Variants in USP14 observed in about 807,000 individuals in gnomAD.
The protein encoded by USP14 is ubiquitin specific peptidase 14.
USP14 carries 38 observed loss-of-function variants against 76.5 expected under a neutral mutation model. The observed-to-expected ratio is 0.50, with a 90% CI of 0.38 to 0.65. USP14 has a LOEUF of 0.65. USP14 is among the 30% of genes least tolerant of loss of function. The pLI, the probability that USP14 is intolerant of heterozygous loss-of-function variation, is 0.00. For synonymous variants in USP14, 192 were observed against 191.7 expected (o/e 1.00, Z -0.01); for missense variants, 467 against 586.5 (o/e 0.80, Z 2.10).
chr18:211,173 A>T lies in USP14; in HGVS notation c.1374A>T (p.Val458=). The T allele has an allele frequency of 6.2e-7, 1 of 1,614,032 alleles. No individual in the cohort carries two copies. The highest frequency in any genetic ancestry group is 8.5e-7 in the Non-Finnish European group (1 of 1,179,920). Residue 458 remains valine (V), a synonymous_variant, in exon 16 of 16, where the codon GTA becomes GTT. Coordinates refer to ENST00000261601, the MANE Select transcript of USP14 (RefSeq NM_005151.4). ...IKFDDDKVSI[V]TPEDILRLSG... is the part of the protein sequence containing the mutation. ...TTGATGATGACAAAGTCAGCATCGT[A>T]ACACCAGAAGATATCTTACGGCTTT... is the stretch of plus-strand genomic sequence containing the variant.
chr18:191,551 T>G (rs1910088133), intron 5 of USP14, among the ~76,000 whole-genome samples: 1 of 152,148 alleles, frequency 6.6e-6, no homozygotes, highest in African/African-American at 2.4e-5. Flanking sequence ...CTCAGAAAAT[T>G]TCTTGGGCAT....
At chr18:184,500 TC>T (rs2143027446) in intron 5 of USP14, among the ~76,000 whole-genome samples, 1 of 152,306 alleles carries the variant, frequency 6.6e-6, no homozygotes, top group Non-Finnish European at 1.5e-5. Flanking sequence ...ACGCCTGTAA[TC>T]CCAGTACTTT....
chr18:189,254 T>G (rs899304870), intron 5 of USP14, among the ~76,000 whole-genome samples: 1 of 152,178 alleles, frequency 6.6e-6, no homozygotes, highest in Admixed American at 6.5e-5. Flanking sequence ...ATCCTACTTT[T>G]GTTTGTATTA....
intron 4 of USP14, 86 bp from the exon 5 acceptor site, chr18:180,150 G>T (rs1440195755): frequency 3.1e-6 from 2 of 635,758 alleles, no homozygotes; most frequent in African/African-American, 1.9e-5. Context: ...GATTCAAAAT[G>T]AGAATTTTAG....
At position 197,608 on chromosome 18, in the gene USP14, C is replaced by T. The variant is rs561315326; in HGVS notation, c.595-8C>T. On this transcript the variant is annotated splice_region_variant and splice_polypyrimidine_tract_variant and intron_variant, in intron 7 of 15. Transcript: ENST00000261601. ...GGATTACTTACTTTGTCTTTTTTTA[C>T]ATTACAGGATGCTAATGAATGTTGG... The T allele has an allele frequency of 7.4e-5, 119 of 1,604,258 alleles. 2 individuals are homozygous for T. In the South Asian group the frequency reaches 1.2e-3, roughly 16 times the overall value.
chr18:174,268 CTT>C (rs34265974), intron 3 of USP14, among the ~76,000 whole-genome samples: 2,113 of 130,514 alleles, frequency 0.016, 35 homozygotes, highest in African/African-American at 0.054. Context: ...GTTTTTCTTT[CTT>C]TTTTTTTTTT....
intron 3 of USP14, among the ~76,000 whole-genome samples, chr18:171,946 T>C (rs1182280336): frequency 6.6e-6 from 1 of 152,178 alleles, no homozygotes; most frequent in Admixed American, 6.5e-5. Context: ...AGGAAGAAAC[T>C]AGAATTAGAA....
At chr18:201,682 GT>G (rs1910388672) in intron 10 of USP14, among the ~76,000 whole-genome samples, 1 of 152,206 alleles carries the variant, frequency 6.6e-6, no homozygotes, top group Non-Finnish European at 1.5e-5. Flanking sequence ...AAGTCTCAGT[GT>G]TAACTGGAGA....
intron 14 of USP14, 44 bp downstream of exon 14, chr18:210,075 T>A: frequency 6.9e-7 from 1 of 1,452,356 alleles, no homozygotes; most frequent in South Asian, 1.3e-5. Context: ...TATGTGGGTC[T>A]TTTTAAGGTA....
chr18:173,174 T>G (rs1335019004), intron 3 of USP14, among the ~76,000 whole-genome samples: 4 of 151,760 alleles, frequency 2.6e-5, no homozygotes, highest in Non-Finnish European at 4.4e-5. Context: ...AGTGGCACGA[T>G]CTCGGCTCAC....
chr18:207,033 A>AC (rs1910548131), intron 13 of USP14, among the ~76,000 whole-genome samples: 1 of 109,596 alleles, frequency 9.1e-6, no homozygotes, highest in Non-Finnish European at 2.3e-5. Context: ...TTTGCATGTG[A>AC]ATATCTGGTT....
In USP14 at chr18:211,807, C is replaced by G. The variant is rs974556735; in HGVS notation, c.*523C>G. On this transcript the variant is annotated 3_prime_UTR_variant, in exon 16 of 16. Coordinates refer to ENST00000261601, the MANE Select transcript of USP14 (RefSeq NM_005151.4). ...GCTGTCCATCCCATGGAAACATGGG[C>G]ACAATCAAGTATTTGTCCAGCCTAT... The G allele has an allele frequency of 7.2e-5, 11 of 152,714 alleles. No individual in the cohort carries two copies. The highest frequency in any genetic ancestry group is 2.7e-4 in the African/African-American group (11 of 41,466). 9.5% of individuals were successfully genotyped at this position (152,714 alleles called of 1,614,324 possible). A position where few individuals can be genotyped will look rare whatever the true frequency, so the allele number is the denominator to read the frequency against.
chr18:212,197 T>A lies in USP14; in HGVS notation c.*913T>A, dbSNP rs1366570522. 1.3e-5 allele frequency: 2 copies of A among 152,230 alleles called. No individual in the cohort carries two copies. Among genetic ancestry groups the A allele is most frequent in the Non-Finnish European group, 2.9e-5 (2 of 68,044 alleles). 9.4% of individuals were successfully genotyped at this position (152,230 alleles called of 1,614,324 possible). On this transcript the variant is annotated 3_prime_UTR_variant, in exon 16 of 16. Transcript: ENST00000261601. ...TGTTATCTTCTTTGCCTGCCTGTAT[T>A]TTAAAAAGAAATACAAAGTTGTAAA... is the stretch of plus-strand genomic sequence containing the variant.
intron 13 of USP14, among the ~76,000 whole-genome samples, chr18:205,085 A>T (rs947946183): frequency 4.6e-5 from 7 of 152,044 alleles, no homozygotes; most frequent in African/African-American, 1.7e-4. Context: ...CATGTTGCTG[A>T]GGCTAGTCTC....
chr18:202,234 CTG>C (rs1910402717), intron 10 of USP14, among the ~76,000 whole-genome samples: 1 of 152,190 alleles, frequency 6.6e-6, no homozygotes, highest in African/African-American at 2.4e-5. Context: ...CATGTACTGA[CTG>C]TAATTCTAAC....
rs531471568 is a variant in USP14, at chr18:193,195, C to T, written c.463+295C>T. 4.6e-5 allele frequency among the ~76,000 whole-genome samples: 7 copies of T among 152,076 alleles called. No homozygotes were observed. The East Asian group carries it at 5.8e-4, about 13-fold the overall frequency. ...TGGGGTTGACTCTGGGGATAGCCAGCGACGGGTTTTATCATAATCCATGTA... is the reference window on the plus strand; with the variant it reads ...TGGGGTTGACTCTGGGGATAGCCAGTGACGGGTTTTATCATAATCCATGTA... On this transcript the variant is annotated intron_variant, in intron 6 of 15. Coordinates refer to ENST00000261601, the MANE Select transcript of USP14 (RefSeq NM_005151.4).
At chr18:196,536 AATT>A in intron 6 of USP14, 98 bp from the exon 7 acceptor site, 3 of 1,397,036 alleles carry the variant, frequency 2.1e-6, no homozygotes, top group Non-Finnish European at 1.9e-6. Context: ...AAAAAAAAAA[AATT>A]AAGTAAGTTT....
intron 13 of USP14, 65 bp downstream of exon 13, chr18:204,757 C>G: frequency 6.4e-7 from 1 of 1,556,506 alleles, no homozygotes; most frequent in Non-Finnish European, 8.7e-7. Flanking sequence ...TCAGCAATTA[C>G]TCTGTCTTTT....
chr18:206,874 C>T (rs572981), intron 13 of USP14, among the ~76,000 whole-genome samples: 23,084 of 152,244 alleles, frequency 0.15, 2,258 homozygotes, highest in Non-Finnish European at 0.23. Context: ...GCCCTCCAGT[C>T]TGGGCAACAT....
Sources: gnomAD v4.1 joint callset for allele counts (sites outside exome capture counted in the v4.1 genomes callset) on GRCh38, gnomAD v4.1.1 for gene constraint, MANE v1.5 for transcripts, NCBI Gene and HGNC (gene_info 2026-07-23, HGNC 2026-07-21) for gene names.